The following POLR3B variants were observed in gnomAD, a reference collection of about 807,000 sequenced individuals.
POLR3B encodes the protein RNA polymerase III subunit B.
In POLR3B, 96 loss-of-function variants were observed where a neutral mutation model predicts 147.4. The observed-to-expected ratio is 0.65, with a 90% CI of 0.55 to 0.77. The LOEUF (loss-of-function observed/expected upper bound fraction) is 0.77. Among genes scored for constraint, POLR3B ranks in the 30% least tolerant of loss-of-function variants. The pLI, the probability that POLR3B is intolerant of heterozygous loss-of-function variation, is 0.00. For missense variants in POLR3B, 1,036 were observed against 1,413.5 expected (o/e 0.73, Z 4.28); for synonymous variants, 461 against 485.9 (o/e 0.95, Z 0.67).
intron 10 of POLR3B, among the ~76,000 whole-genome samples, chr12:106,393,363 G>A (rs376297857): frequency 7.4e-4 from 112 of 152,120 alleles, no homozygotes; most frequent in African/African-American, 2.5e-3. Context: ...TATGGTGCCC[G>A]ACTTAGAATA....
intron 23 of POLR3B, among the ~76,000 whole-genome samples, chr12:106,486,896 T>C (rs1419039120): frequency 6.6e-6 from 1 of 152,188 alleles, no homozygotes; most frequent in Non-Finnish European, 1.5e-5. Context: ...AGCCCTCAAC[T>C]TTGACAGTTC....
chr12:106,466,001 G>C (rs2038001246), intron 23 of POLR3B, among the ~76,000 whole-genome samples: 1 of 152,020 alleles, frequency 6.6e-6, no homozygotes, highest in African/African-American at 2.4e-5. Context: ...TGGTATTTCT[G>C]GTTCTAGATC....
At chr12:106,432,744 A>G (rs1000148281) in intron 15 of POLR3B, among the ~76,000 whole-genome samples, 6 of 152,202 alleles carry the variant, frequency 3.9e-5, no homozygotes, top group African/African-American at 1.4e-4. Context: ...AGTTGCTGGC[A>G]TATCCTTAGT....
intron 18 of POLR3B, among the ~76,000 whole-genome samples, chr12:106,439,229 T>C (rs867165443): frequency 6.6e-6 from 1 of 151,946 alleles, no homozygotes; most frequent in African/African-American, 2.4e-5. Context: ...AATAAAAAAT[T>C]AGCTGGACAC....
chr12:106,424,864 T>C (rs2037416340), intron 12 of POLR3B, among the ~76,000 whole-genome samples: 1 of 152,206 alleles, frequency 6.6e-6, no homozygotes. Context: ...AAATAATATT[T>C]AGCTTTCCAA....
At chr12:106,460,086 A>G (rs748124794) in intron 22 of POLR3B, among the ~76,000 whole-genome samples, 17 of 152,194 alleles carry the variant, frequency 1.1e-4, no homozygotes, top group Admixed American at 3.3e-4. Context: ...TTGAGTTGTG[A>G]TGGCAGTTTT....
At chr12:106,409,059 C>T (rs979960548) in intron 11 of POLR3B, among the ~76,000 whole-genome samples, 2 of 151,996 alleles carry the variant, frequency 1.3e-5, no homozygotes, top group Non-Finnish European at 2.9e-5. Flanking sequence ...AGTGTTTATG[C>T]AAAAGGAAAA....
At chr12:106,373,227 CT>C (rs1442635735) in intron 6 of POLR3B, among the ~76,000 whole-genome samples, 4 of 152,008 alleles carry the variant, frequency 2.6e-5, no homozygotes, top group Non-Finnish European at 5.9e-5. Context: ...TTCCATTTTC[CT>C]TATGGTTTTG....
intron 23 of POLR3B, among the ~76,000 whole-genome samples, chr12:106,492,719 G>A (rs1411261385): frequency 6.6e-6 from 1 of 152,150 alleles, no homozygotes; most frequent in Non-Finnish European, 1.5e-5. Context: ...CTGTGATAGT[G>A]GATGTCAGAA....
At position 106,509,633 on chromosome 12, in the gene POLR3B, C is replaced by T; in HGVS notation, c.*84C>T. On this transcript the variant is annotated 3_prime_UTR_variant, in exon 28 of 28. Coordinates refer to ENST00000228347, the MANE Select transcript of POLR3B (RefSeq NM_018082.6). ...GAAGGGATTTAGGACTACGTCTCCTCCTGTGAAGAATTCCCTTGCGTATTC... is the reference window on the plus strand; with the variant it reads ...GAAGGGATTTAGGACTACGTCTCCTTCTGTGAAGAATTCCCTTGCGTATTC... The T allele has an allele frequency of 8.0e-7, 1 of 1,252,584 alleles. No homozygotes were observed. The highest frequency in any genetic ancestry group is 1.2e-5 in the South Asian group (1 of 81,686). 77.6% of individuals were successfully genotyped at this position (1,252,584 alleles called of 1,614,324 possible).
chr12:106,463,099 A>G (rs1392180111), intron 22 of POLR3B, among the ~76,000 whole-genome samples: 1 of 152,216 alleles, frequency 6.6e-6, no homozygotes, highest in Non-Finnish European at 1.5e-5. Context: ...AAGCTGAGTA[A>G]GTAAAAGTGC....
intron 23 of POLR3B, among the ~76,000 whole-genome samples, chr12:106,488,342 T>G (rs1005786146): frequency 6.6e-6 from 1 of 152,258 alleles, no homozygotes; most frequent in Non-Finnish European, 1.5e-5. Flanking sequence ...TTTAGTAGTA[T>G]GCAAAATGCT....
chr12:106,490,319 A>G (rs1050366015), intron 23 of POLR3B, among the ~76,000 whole-genome samples: 2 of 152,208 alleles, frequency 1.3e-5, no homozygotes, highest in African/African-American at 4.8e-5. Context: ...TTGCAAAAGC[A>G]TTGTAAGGGT....
intron 19 of POLR3B, among the ~76,000 whole-genome samples, chr12:106,452,222 A>T (rs1398715564): frequency 2.6e-5 from 4 of 152,238 alleles, no homozygotes; most frequent in Non-Finnish European, 4.4e-5. Context: ...ATTCTATTTT[A>T]ACATTTTAAC....
intron 11 of POLR3B, 48 bp from the exon 12 acceptor site, chr12:106,410,777 AT>A (rs773679638): frequency 1.7e-5 from 26 of 1,550,042 alleles, no homozygotes; most frequent in Admixed American, 6.7e-5. Flanking sequence ...GGTACGTTAA[AT>A]TTTAATGTCC....
At chr12:106,437,898 A>G (rs957340803) in intron 18 of POLR3B, 119 bp downstream of exon 18, 14 of 700,402 alleles carry the variant, frequency 2.0e-5, no homozygotes, top group Non-Finnish European at 3.3e-5. Flanking sequence ...ACTGTTAGAA[A>G]TATACAATCT....
chr12:106,423,160 T>C (rs1229459206), intron 12 of POLR3B, among the ~76,000 whole-genome samples: 5 of 152,156 alleles, frequency 3.3e-5, no homozygotes, highest in East Asian at 1.9e-4. Flanking sequence ...CTATTATCAG[T>C]AGAAGGCAAT....
chr12:106,363,424 A>G (rs1003630157), intron 1 of POLR3B, among the ~76,000 whole-genome samples: 2 of 152,160 alleles, frequency 1.3e-5, no homozygotes, highest in African/African-American at 4.8e-5. Flanking sequence ...GGAAGCAATC[A>G]CCATATGTGT....
chr12:106,370,619 T>G (rs916284676), intron 6 of POLR3B, among the ~76,000 whole-genome samples: 3 of 151,800 alleles, frequency 2.0e-5, no homozygotes, highest in African/African-American at 7.3e-5. Context: ...TCAGTGTTTT[T>G]TTTGTTTTAT....
Sources: allele counts gnomAD v4.1 joint callset (sites outside exome capture counted in the v4.1 genomes callset), GRCh38; gene constraint gnomAD v4.1.1; transcripts MANE v1.5; gene names NCBI Gene and HGNC (gene_info 2026-07-23, HGNC 2026-07-21).